Variants in ABCG1 observed in about 807,000 individuals in gnomAD.
ABCG1 encodes the protein ATP binding cassette subfamily G member 1, also known as ATP-binding cassette sub-family G member 1.
ABCG1 carries 29 observed loss-of-function variants against 69.2 expected under a neutral mutation model. The ratio of observed to expected loss-of-function variants is 0.42; its 90% confidence interval spans 0.31 to 0.57. The LOEUF is 0.57. ABCG1 is among the 20% of genes least tolerant of loss of function. ABCG1 has a pLI of 0.15. For synonymous variants in ABCG1, 370 were observed against 374.8 expected (o/e 0.99, Z 0.15); for missense variants, 718 against 898.1 (o/e 0.80, Z 2.56).
intron 6 of ABCG1, among the ~76,000 whole-genome samples, chr21:42,283,714 CCACCCACCACCCAGATGAGTGGGGA>C (rs2068862540): frequency 1.5e-4 from 6 of 41,178 alleles, no homozygotes; most frequent in African/African-American, 4.3e-4. Context: ...TTGTGAAGTA[CCACCCACCACCCAGATGAGTGGGGA>C]CCCCCCACCT....
chr21:42,214,398 G>C (rs188853809), upstream of ABCG1, among the ~76,000 whole-genome samples: 1 of 152,336 alleles, frequency 6.6e-6, no homozygotes, highest in East Asian at 1.9e-4. Context: ...GTAGTTTACA[G>C]ATTTCCCAGT....
At chr21:42,222,626 T>C (rs926644020) in intron 1 of ABCG1, among the ~76,000 whole-genome samples, 1 of 152,180 alleles carries the variant, frequency 6.6e-6, no homozygotes, top group Admixed American at 6.5e-5. Context: ...AGACCATGTC[T>C]CTGTGCTTCC....
intron 2 of ABCG1, among the ~76,000 whole-genome samples, chr21:42,263,484 T>C (rs2068447655): frequency 6.6e-6 from 1 of 152,202 alleles, no homozygotes; most frequent in Admixed American, 6.5e-5. Flanking sequence ...GCTGGGACCC[T>C]GGTGTGTTCG....
chr21:42,259,453 G>A (rs1423246192), intron 2 of ABCG1: 4 of 1,549,174 alleles, frequency 2.6e-6, no homozygotes, highest in Non-Finnish European at 3.5e-6. Context: ...CCGATGTCTG[G>A]CCTACAGGGC....
At chr21:42,260,165 G>A (rs757150032) in intron 2 of ABCG1, 15 of 1,550,376 alleles carry the variant, frequency 9.7e-6, no homozygotes, top group African/African-American at 2.7e-5. Flanking sequence ...GTTGCTTCTC[G>A]GGTGAAGCTG....
chr21:42,282,515 C>T (rs1457618239), intron 6 of ABCG1, 96 bp downstream of exon 6: 2 of 1,433,646 alleles, frequency 1.4e-6, no homozygotes, highest in African/African-American at 1.4e-5. Flanking sequence ...GATGTAGCCT[C>T]AGAGGGGGTG....
intron 5 of ABCG1, among the ~76,000 whole-genome samples, chr21:42,281,815 C>T (rs558628899): frequency 1.3e-5 from 2 of 152,330 alleles, no homozygotes; most frequent in East Asian, 3.9e-4. Flanking sequence ...TTCAAGTAAC[C>T]ATCACAGCGA....
At chr21:42,202,099 C>A (rs766838620) in intron 2 of ABCG1, among the ~76,000 whole-genome samples, 1 of 152,188 alleles carries the variant, frequency 6.6e-6, no homozygotes, top group African/African-American at 2.4e-5. Context: ...GCAGCAGCAG[C>A]GTTTACCCAC....
rs1601451838 is a variant in ABCG1, at chr21:42,288,224, T to G, written c.1136T>G (p.Met379Arg). ...HRPSEEDSSSMEGCHSFSASC... is the reference protein window; with the variant it reads ...HRPSEEDSSSREGCHSFSASC... The stretch of plus-strand genomic sequence containing the variant: ...GTGTGTCCTCAGGACTCCTCGTCCA[T>G]GGAAGGCTGCCACAGCTTCTCTGCC... The change falls in exon 10 of 15, where the codon ATG becomes AGG. Residue 379 changes from methionine to arginine, a missense_variant. By Grantham distance (91) the Met-to-Arg change is moderately conservative (BLOSUM62 -1). Transcript: ENST00000398449. The surrounding 1 kb of genome is among the most constrained non-coding windows in gnomAD (Gnocchi z 4.8). 11 of 1,614,196 alleles carry G rather than the reference T, an allele frequency of 6.8e-6. No individual in the cohort carries two copies. The highest frequency in any genetic ancestry group is 2.2e-5 in the East Asian group (1 of 44,874).
chr21:42,203,061 C>A (rs915287911), intron 2 of ABCG1, among the ~76,000 whole-genome samples: 14 of 152,138 alleles, frequency 9.2e-5, no homozygotes, highest in Non-Finnish European at 1.9e-4. Flanking sequence ...GCTTTTCCAG[C>A]AAGCGCTGCT....
At chr21:42,210,096 C>G (rs2067574753) in intron 2 of ABCG1, among the ~76,000 whole-genome samples, 1 of 152,176 alleles carries the variant, frequency 6.6e-6, no homozygotes, top group African/African-American at 2.4e-5. Flanking sequence ...TACTTAATTC[C>G]TAGCCAGACA....
intron 2 of ABCG1, among the ~76,000 whole-genome samples, chr21:42,251,718 C>T (rs753347171): frequency 7.9e-5 from 12 of 152,178 alleles, no homozygotes; most frequent in Non-Finnish European, 1.2e-4. Flanking sequence ...TAGGCACAGT[C>T]GGTCCTAGAG....
At position 42,293,911 on chromosome 21, in the gene ABCG1, CGCAGACACCACACACACCACACA is replaced by C. The variant is rs1434000328; in HGVS notation, c.1654-621_1654-599del. 6.0e-3 allele frequency among the ~76,000 whole-genome samples: 903 copies of C among 149,678 alleles called. 5 individuals are homozygous for C. The highest frequency in any genetic ancestry group is 0.014 in the Admixed American group (207 of 15,066). The stretch of plus-strand genomic sequence containing the variant: ...ACACTCCACACCACACACCACACAC[CGCAGACACCACACACACCACACA>C]GCAGACACCGCCCACACCACACACA... On this transcript the variant is annotated intron_variant, in intron 13 of 14. Transcript: ENST00000398449.
In ABCG1 at chr21:42,291,871, G is replaced by A. The variant is rs577441604; in HGVS notation, c.1653+215G>A. Among the ~76,000 whole-genome samples the A allele has an allele frequency of 1.3e-4, 20 of 152,276 alleles. No individual in the cohort carries two copies. In the South Asian group the frequency reaches 3.9e-3, roughly 30 times the overall value. On this transcript the variant is annotated intron_variant, in intron 13 of 14. Coordinates refer to ENST00000398449, the MANE Select transcript of ABCG1 (RefSeq NM_016818.3). This position sits in a 1 kb window ranked among gnomAD's most constrained non-coding sequence, Gnocchi z 6.4. ...GGGCAGCCTCACGTGTGCTGACTGC[G>A]TGCTGGGCGCTCTTCCCAGCGCTTC...
chr21:42,262,758 G>A (rs570812256), intron 2 of ABCG1, among the ~76,000 whole-genome samples: 17 of 152,318 alleles, frequency 1.1e-4, no homozygotes, highest in African/African-American at 2.2e-4. Flanking sequence ...CTGACCTACC[G>A]TGTGACCTTG....
intron 2 of ABCG1, chr21:42,201,730 T>A (rs564785493): frequency 1.2e-6 from 2 of 1,613,816 alleles, no homozygotes; most frequent in East Asian, 4.5e-5. Flanking sequence ...TCAGGTGTGG[T>A]CAGAAGAGAC....
Position 42,225,715 on chromosome 21 carries a change from G to T in ABCG1, c.87G>T (p.Val29=), listed in dbSNP as rs1410964330. ...YSAEMTEPKS[V]CVSVDEVVSS... ...CAGAGATGACGGAGCCCAAGTCGGT[G>T]TGTGTCTCGGTGGATGAGGTGGTGT... Residue 29 remains valine (V), a synonymous_variant, in exon 2 of 15, where the codon GTG becomes GTT. Transcript: ENST00000398449. 1 of 1,613,956 alleles carries T rather than the reference G, an allele frequency of 6.2e-7. No homozygotes were observed. Among genetic ancestry groups the T allele is most frequent in the Non-Finnish European group, 8.5e-7 (1 of 1,180,016 alleles).
At chr21:42,237,091 A>T (rs972882243) in intron 2 of ABCG1, among the ~76,000 whole-genome samples, 14 of 152,156 alleles carry the variant, frequency 9.2e-5, no homozygotes, top group Admixed American at 8.5e-4. Context: ...CCCCTGCCCA[A>T]ACCCAGCAGC....
At chr21:42,234,719 ACT>A (rs950716934) in intron 2 of ABCG1, among the ~76,000 whole-genome samples, 5 of 152,088 alleles carry the variant, frequency 3.3e-5, no homozygotes, top group African/African-American at 1.2e-4. Flanking sequence ...GCAGGTGCTG[ACT>A]CTGCAGGCCT....
Sources: allele counts gnomAD v4.1 joint callset (sites outside exome capture counted in the v4.1 genomes callset), GRCh38; gene constraint gnomAD v4.1.1; non-coding constraint Gnocchi (gnomAD v3.1); transcripts MANE v1.5; gene names NCBI Gene and HGNC (gene_info 2026-07-23, HGNC 2026-07-21).